The following IL21R variants were observed in gnomAD, a reference collection of about 807,000 sequenced individuals.
IL21R encodes the protein interleukin-21 receptor.
IL21R carries 14 observed loss-of-function variants against 41.3 expected under a neutral mutation model. That is an observed-to-expected ratio of 0.34 (90% CI 0.22 to 0.53). The LOEUF is 0.53. IL21R is among the 20% of genes least tolerant of loss of function. IL21R has a pLI of 0.94. For synonymous variants in IL21R, 286 were observed against 287.6 expected (o/e 0.99, Z 0.05); for missense variants, 588 against 681.6 (o/e 0.86, Z 1.53).
intron 1 of IL21R, among the ~76,000 whole-genome samples, chr16:27,420,834 TTC>T (rs2086988604): frequency 6.6e-6 from 1 of 152,232 alleles, no homozygotes; most frequent in Non-Finnish European, 1.5e-5. Context: ...GATCTATTTT[TTC>T]TTTGTTTACT....
chr16:27,449,468 G>C lies in IL21R; in HGVS notation c.*185G>C, dbSNP rs1190982931. On this transcript the variant is annotated 3_prime_UTR_variant, in exon 9 of 9. Coordinates refer to ENST00000337929, the MANE Select transcript of IL21R (RefSeq NM_181078.3). ...TGTGTGTGCATATGCATGTGTGTGT[G>C]TGTGTGTGTCTTAGGTGCGCAGTGG... is the stretch of plus-strand genomic sequence containing the variant. The C allele has an allele frequency of 4.9e-5, 31 of 631,060 alleles. No individual in the cohort carries two copies. Among genetic ancestry groups the C allele is most frequent in the Non-Finnish European group, 8.4e-5 (31 of 369,668 alleles). 39.1% of individuals were successfully genotyped at this position (631,060 alleles called of 1,614,324 possible). A position where few individuals can be genotyped will look rare whatever the true frequency, so the allele number is the denominator to read the frequency against.
intron 1 of IL21R, among the ~76,000 whole-genome samples, chr16:27,418,188 G>A (rs2086927320): frequency 1.3e-5 from 2 of 151,118 alleles, no homozygotes; most frequent in Admixed American, 1.3e-4. Context: ...TCCTGCCTCA[G>A]CCTCCCAAGT....
intron 1 of IL21R, among the ~76,000 whole-genome samples, chr16:27,408,451 T>C (rs2086780437): frequency 6.6e-6 from 1 of 151,386 alleles, no homozygotes; most frequent in South Asian, 2.1e-4. Flanking sequence ...GAATTTGGGG[T>C]TTTTCTTTTG....
chr16:27,403,614 G>A lies in IL21R; in HGVS notation c.-17+996G>A, dbSNP rs77070103. 7.9e-3 allele frequency among the ~76,000 whole-genome samples: 1,210 copies of A among 152,332 alleles called. 10 individuals carry two copies. Among genetic ancestry groups the A allele is most frequent in the African/African-American group, 0.027 (1,140 of 41,582 alleles). On this transcript the variant is annotated intron_variant, in intron 1 of 8. Coordinates refer to ENST00000337929, the MANE Select transcript of IL21R (RefSeq NM_181078.3). ...TTCTCATCTATGAAATGGGGACCAA[G>A]GTACCCCCATCCTGGTGGAGCTAGT... is the stretch of plus-strand genomic sequence containing the variant.
In IL21R at chr16:27,440,242, T is replaced by TAGAG. The variant is rs1329486965; in HGVS notation, c.352+2556_352+2557insGAGA. Among the ~76,000 whole-genome samples the TAGAG allele has an allele frequency of 8.0e-3, 695 of 86,904 alleles. 1 individual carries two copies. Among genetic ancestry groups the TAGAG allele is most frequent in the Non-Finnish European group, 9.7e-3 (445 of 45,738 alleles). The allele number at this position is 86,904 out of a possible 152,430, so 57.0% of individuals were successfully genotyped here. ...TGACAAATATATATATATATATATA[T>TAGAG]ATATATAGAGAGAGAGAGAGAGAGA... is the stretch of plus-strand genomic sequence containing the variant. On this transcript the variant is annotated intron_variant, in intron 4 of 8. Coordinates refer to ENST00000337929, the MANE Select transcript of IL21R (RefSeq NM_181078.3).
At chr16:27,424,373 A>T (rs2087043576) in intron 1 of IL21R, among the ~76,000 whole-genome samples, 1 of 152,074 alleles carries the variant, frequency 6.6e-6, no homozygotes, top group South Asian at 2.1e-4. Flanking sequence ...CACGTTGACC[A>T]TGAAGTTAAG....
At chr16:27,442,793 G>A (rs2087412662) in intron 4 of IL21R, 169 bp from the exon 5 acceptor site, 1 of 556,622 alleles carries the variant, frequency 1.8e-6, no homozygotes, top group Admixed American at 3.2e-5. Context: ...GCCCAGAGTT[G>A]GGAGTACTTT....
chr16:27,430,098 G>C lies in IL21R; in HGVS notation c.27G>C (p.Leu9Phe). 6.2e-7 allele frequency: 1 copy of C among 1,605,164 alleles called. No individual in the cohort carries two copies. Among genetic ancestry groups the C allele is most frequent in the Non-Finnish European group, 8.5e-7 (1 of 1,179,820 alleles). ...TGCCGCGTGGCTGGGCCGCCCCCTT[G>C]CTCCTGCTGCTGCTCCAGGGAGGTA... MPRGWAAP[L>F]LLLLLQGGWG... Residue 9 changes from leucine to phenylalanine, a missense_variant, in exon 2 of 9, where the codon TTG becomes TTC. Coordinates refer to ENST00000337929, the MANE Select transcript of IL21R (RefSeq NM_181078.3).
chr16:27,419,550 C>T (rs527243130), intron 1 of IL21R, among the ~76,000 whole-genome samples: 5 of 152,272 alleles, frequency 3.3e-5, no homozygotes, highest in Admixed American at 2.6e-4. Flanking sequence ...GCCTCAGTCT[C>T]ACGAATAGCT....
intron 8 of IL21R, chr16:27,448,251 T>A: frequency 2.8e-6 from 1 of 354,120 alleles, no homozygotes; most frequent in Non-Finnish European, 5.1e-6. Context: ...CGTCAGGAGT[T>A]CAAGATCAGT....
At chr16:27,411,454 CTTTTTTTTTTTTTTT>C (rs59761925) in intron 1 of IL21R, among the ~76,000 whole-genome samples, 2 of 58,052 alleles carry the variant, frequency 3.4e-5, no homozygotes, top group African/African-American at 1.5e-4. Flanking sequence ...GTCCTTTGTC[CTTTTTTTTTTTTTTT>C]TTTTTTTTTT....
intron 1 of IL21R, among the ~76,000 whole-genome samples, chr16:27,419,202 A>G (rs1397184427): frequency 4.6e-5 from 7 of 152,160 alleles, no homozygotes; most frequent in Non-Finnish European, 1.0e-4. Context: ...CTCCATCTCA[A>G]AAAAACCCAG....
intron 1 of IL21R, among the ~76,000 whole-genome samples, chr16:27,409,619 A>ATCC (rs72535013): frequency 6.6e-6 from 1 of 151,638 alleles, no homozygotes; most frequent in African/African-American, 2.4e-5. Context: ...TTAAGAAAAC[A>ATCC]TGTTTTCTCT....
Position 27,449,438 on chromosome 16 carries a change from ATGTGTGTGTGTGCATATGCATG to A in IL21R, c.*168_*189del, listed in dbSNP as rs1567375588. The A allele has an allele frequency of 1.4e-6, 1 of 709,178 alleles. No homozygotes were observed. Among genetic ancestry groups the A allele is most frequent in the Non-Finnish European group, 2.3e-6 (1 of 440,038 alleles). 43.9% of individuals were successfully genotyped at this position (709,178 alleles called of 1,614,324 possible). On this transcript the variant is annotated 3_prime_UTR_variant, in exon 9 of 9. Transcript: ENST00000337929. The stretch of plus-strand genomic sequence containing the variant: ...ACAGTGTCTGTGTGTGTGTGTGCAT[ATGTGTGTGTGTGCATATGCATG>A]TGTGTGTGTGTGTGTGTCTTAGGTG...
At position 27,440,283 on chromosome 16, in the gene IL21R, AGCAAGC is replaced by A. The variant is rs1555498071; in HGVS notation, c.352+2599_352+2604del. Among the ~76,000 whole-genome samples, 468 of 118,528 alleles carry A rather than the reference AGCAAGC, an allele frequency of 3.9e-3. 7 individuals are homozygous for A. The highest frequency in any genetic ancestry group is 5.4e-3 in the Non-Finnish European group (319 of 59,056). 77.8% of individuals were successfully genotyped at this position (118,528 alleles called of 152,430 possible). A position where few individuals can be genotyped will look rare whatever the true frequency, so the allele number is the denominator to read the frequency against. Reference sequence around the variant, plus strand: ...GAGAGAGAGAGAGAGAGAGAGAGCGAGCAAGCGCGCGCCAGGGTGTAGCTTTGTCCT... The same window carrying A: ...GAGAGAGAGAGAGAGAGAGAGAGCGAGCGCGCCAGGGTGTAGCTTTGTCCT... On this transcript the variant is annotated intron_variant, in intron 4 of 8. Coordinates refer to ENST00000337929, the MANE Select transcript of IL21R (RefSeq NM_181078.3).
chr16:27,408,608 T>C (rs2086782087), intron 1 of IL21R, among the ~76,000 whole-genome samples: 1 of 152,158 alleles, frequency 6.6e-6, no homozygotes, highest in African/African-American at 2.4e-5. Context: ...TGGATAACTT[T>C]AGGAGTTCTT....
intron 1 of IL21R, among the ~76,000 whole-genome samples, chr16:27,422,883 C>G (rs2087018510): frequency 6.6e-6 from 1 of 152,174 alleles, no homozygotes. Flanking sequence ...AAATTTTCTT[C>G]TAGCAGACAT....
At chr16:27,447,819 C>A (rs903523550) in intron 8 of IL21R, 1 of 152,310 alleles carries the variant, frequency 6.6e-6, no homozygotes. Context: ...CAAGAAGCAT[C>A]AAGGAGGCGG....
At chr16:27,439,726 G>C (rs2087346823) in intron 4 of IL21R, among the ~76,000 whole-genome samples, 1 of 152,166 alleles carries the variant, frequency 6.6e-6, no homozygotes, top group Admixed American at 6.5e-5. Flanking sequence ...GTGAATCCAA[G>C]CATTTCTCTC....
Sources: allele counts gnomAD v4.1 joint callset (sites outside exome capture counted in the v4.1 genomes callset), GRCh38; gene constraint gnomAD v4.1.1; transcripts MANE v1.5; gene names NCBI Gene and HGNC (gene_info 2026-07-23, HGNC 2026-07-21).